The following TENM1 variants were observed in gnomAD, a reference collection of about 807,000 sequenced individuals.
TENM1 encodes the protein teneurin transmembrane protein 1, also known as teneurin-1.
A neutral mutation model predicts 174.8 loss-of-function variants in TENM1; 35 were observed. The ratio of observed to expected loss-of-function variants is 0.20; its 90% CI spans 0.15 to 0.27. TENM1 has a LOEUF of 0.27. Ranked by LOEUF, TENM1 falls within the 10% of genes least tolerant of loss-of-function variation. TENM1 has a pLI of 1.00. For synonymous variants in TENM1, 781 were observed against 798.7 expected (o/e 0.98, Z 0.37); for missense variants, 1,633 against 2,130.1 (o/e 0.77, Z 4.59).
chrX:124,735,628 C>A (rs2053652597), intron 4 of TENM1, among the ~76,000 whole-genome samples: 1 of 111,493 alleles, frequency 9.0e-6, no homozygotes, highest in Admixed American at 9.5e-5. Context: ...AAAAAGACAC[C>A]TGCATGCATG....
chrX:124,744,251 T>TACA (rs2053865564), intron 3 of TENM1, among the ~76,000 whole-genome samples: 4 of 111,918 alleles, frequency 3.6e-5, no homozygotes, highest in African/African-American at 9.7e-5. Flanking sequence ...GTTGTGAAAA[T>TACA]ACAAGATGGA....
the TENM1 span, among the ~76,000 whole-genome samples, chrX:125,037,853 C>T: frequency 1.4e-4 from 16 of 111,670 alleles, no homozygotes; most frequent in Middle Eastern, 4.6e-3. Context: ...ACCACACTTC[C>T]CTAGTTTTCC....
chrX:124,624,687 C>A (rs1458700857), intron 11 of TENM1, among the ~76,000 whole-genome samples: 1 of 111,747 alleles, frequency 8.9e-6, no homozygotes. Flanking sequence ...GTCAATAAAT[C>A]TAATGGAGCC....
chrX:124,570,550 C>T (rs1244546834), intron 11 of TENM1, among the ~76,000 whole-genome samples: 1 of 110,971 alleles, frequency 9.0e-6, no homozygotes, highest in Non-Finnish European at 1.9e-5. Flanking sequence ...ATTGCTTTCA[C>T]ATTTGAAAAT....
chrX:125,014,733 T>C, the TENM1 span, among the ~76,000 whole-genome samples: 1 of 111,447 alleles, frequency 9.0e-6, no homozygotes, highest in Non-Finnish European at 1.9e-5. Flanking sequence ...TCTCAAGAGA[T>C]GGATTTCAAA....
intron 28 of TENM1, among the ~76,000 whole-genome samples, chrX:124,386,340 A>G (rs1394469787): frequency 9.0e-6 from 1 of 111,589 alleles, no homozygotes; most frequent in Non-Finnish European, 1.9e-5. Flanking sequence ...TCTGGAAGGC[A>G]GAGGAAGACC....
chrX:124,546,722 A>G (rs2048438663), intron 15 of TENM1, 152 bp downstream of exon 18: 1 of 462,047 alleles, frequency 2.2e-6, no homozygotes, highest in Non-Finnish European at 3.7e-6. Flanking sequence ...TTAATCAGTA[A>G]GGGTTTTGGC....
intron 22 of TENM1, among the ~76,000 whole-genome samples, chrX:124,468,911 A>G (rs1316870520): frequency 9.1e-6 from 1 of 109,345 alleles, no homozygotes; most frequent in African/African-American, 3.3e-5. Flanking sequence ...TAGCTCATTC[A>G]TTTTTACTGT....
intron 20 of TENM1, among the ~76,000 whole-genome samples, chrX:124,493,354 A>G (rs1421043342): frequency 8.9e-6 from 1 of 111,866 alleles, no homozygotes; most frequent in Non-Finnish European, 1.9e-5. Context: ...AGGTAAATTT[A>G]CGTTTAAATT....
chrX:124,953,273 T>C (rs929458116), intron 1 of TENM1, among the ~76,000 whole-genome samples: 2 of 112,233 alleles, frequency 1.8e-5, no homozygotes, highest in African/African-American at 6.5e-5. Context: ...AGAAGCAGCA[T>C]GTAATTTGGA....
the TENM1 span, among the ~76,000 whole-genome samples, chrX:124,985,335 TC>T: frequency 8.9e-6 from 1 of 112,334 alleles, no homozygotes; most frequent in Non-Finnish European, 1.9e-5. Flanking sequence ...GATCCTTCAA[TC>T]TTGCTAAATT....
intron 22 of TENM1, among the ~76,000 whole-genome samples, chrX:124,455,846 T>C (rs1290919861): frequency 9.0e-6 from 1 of 111,359 alleles, no homozygotes; most frequent in Non-Finnish European, 1.9e-5. Flanking sequence ...CCTCTAAAAA[T>C]TTGAGCAGGT....
intron 3 of TENM1, among the ~76,000 whole-genome samples, chrX:124,788,370 C>T (rs1189231059): frequency 3.6e-5 from 4 of 111,380 alleles, no homozygotes; most frequent in African/African-American, 3.3e-5. Context: ...TCCCAAATCT[C>T]GTATTTTCAC....
chrX:124,651,755 T>C (rs112474138), intron 8 of TENM1, among the ~76,000 whole-genome samples, 159 bp downstream of exon 11: 1,512 of 111,496 alleles, frequency 0.014, 18 homozygotes, highest in African/African-American at 0.047. Context: ...ACATCAATGA[T>C]AACAACAATA....
At chrX:124,403,854 A>C (rs986382273) in intron 27 of TENM1, among the ~76,000 whole-genome samples, 1 of 111,397 alleles carries the variant, frequency 9.0e-6, no homozygotes, top group African/African-American at 3.3e-5. Flanking sequence ...ACCCTAACTC[A>C]TTCAGATTAC....
intron 3 of TENM1, among the ~76,000 whole-genome samples, chrX:124,850,723 A>G (rs928404726): frequency 4.5e-5 from 5 of 111,125 alleles, no homozygotes; most frequent in Non-Finnish European, 7.6e-5. Flanking sequence ...CAGAAAGCAA[A>G]GGGCAAACCA....
intron 11 of TENM1, among the ~76,000 whole-genome samples, chrX:124,626,613 G>C (rs1260340759): frequency 8.9e-6 from 1 of 111,806 alleles, no homozygotes; most frequent in Non-Finnish European, 1.9e-5. Context: ...AGTTTGCTTA[G>C]ATATATGGTC....
chrX:124,494,353 G>A (rs1371866338), intron 20 of TENM1, among the ~76,000 whole-genome samples: 2 of 111,019 alleles, frequency 1.8e-5, no homozygotes, highest in Non-Finnish European at 3.8e-5. Flanking sequence ...TGAACATAGA[G>A]AAACTTAAAG....
chrX:124,965,100 C>T (rs752436038), upstream of TENM1, among the ~76,000 whole-genome samples: 46 of 111,800 alleles, frequency 4.1e-4, no homozygotes, highest in Non-Finnish European at 4.7e-4. Context: ...GATTTAGAGA[C>T]GGAGTCTTGC....
Sources: gnomAD v4.1 joint callset for allele counts (sites outside exome capture counted in the v4.1 genomes callset) on GRCh38, gnomAD v4.1.1 for gene constraint, MANE v1.5 for transcripts, NCBI Gene and HGNC (gene_info 2026-07-23, HGNC 2026-07-21) for gene names.